Variants in TRHDE observed in about 807,000 individuals in gnomAD.
TRHDE encodes thyrotropin releasing hormone degrading enzyme.
Under a neutral mutation model 125.7 loss-of-function variants are expected in TRHDE, and 72 were observed. That is an observed-to-expected ratio of 0.57 (90% CI 0.47 to 0.70). TRHDE has a LOEUF of 0.70. Among genes scored for constraint, TRHDE ranks in the 30% least tolerant of loss-of-function variants. The probability of loss-of-function intolerance (pLI) is 0.00; values close to 1 mark genes in which losing one functional copy is unlikely to be tolerated. For synonymous variants in TRHDE, 509 were observed against 509.1 expected (o/e 1.00, Z 0.00); for missense variants, 1,110 against 1,327.1 (o/e 0.84, Z 2.54).
intron 3 of TRHDE, among the ~76,000 whole-genome samples, chr12:72,383,171 C>A (rs1340337982): frequency 6.6e-6 from 1 of 152,010 alleles, no homozygotes; most frequent in Non-Finnish European, 1.5e-5. Context: ...TACAATACAC[C>A]AATCCTTTCT....
intron 5 of TRHDE, among the ~76,000 whole-genome samples, chr12:72,484,832 A>G (rs982702884): frequency 6.6e-6 from 1 of 152,196 alleles, no homozygotes; most frequent in Non-Finnish European, 1.5e-5. Flanking sequence ...CCCCACAAGA[A>G]AAGTCCCCAG....
chr12:72,156,645 T>C (rs1030685962), intron 2 of TRHDE, among the ~76,000 whole-genome samples: 1 of 152,184 alleles, frequency 6.6e-6, no homozygotes, highest in African/African-American at 2.4e-5. Flanking sequence ...CCTCCTAGGC[T>C]GTGATTAGGA....
rs568961795 is a variant in TRHDE, at chr12:72,387,537, G to A, written c.1315+9416G>A. On this transcript the variant is annotated intron_variant, in intron 3 of 18. Transcript: ENST00000261180. ...GTTAATTTACAGAGTTTTTGTGAGGGATGTTGAATTTACCTGGTGATTCTG... is the reference window on the plus strand; with the variant it reads ...GTTAATTTACAGAGTTTTTGTGAGGAATGTTGAATTTACCTGGTGATTCTG... Among the ~76,000 whole-genome samples, 23 of 152,216 alleles carry A rather than the reference G, an allele frequency of 1.5e-4. No individual in the cohort carries two copies. The South Asian group carries it at 4.8e-3, about 32-fold the overall frequency.
chr12:72,500,341 A>G (rs1878094805), intron 6 of TRHDE, among the ~76,000 whole-genome samples: 1 of 152,114 alleles, frequency 6.6e-6, no homozygotes, highest in African/African-American at 2.4e-5. Context: ...ATAGGATCAA[A>G]GTCTGCTGTG....
intron 2 of TRHDE, among the ~76,000 whole-genome samples, chr12:72,183,210 T>G (rs1877130748): frequency 6.6e-6 from 1 of 152,234 alleles, no homozygotes; most frequent in Non-Finnish European, 1.5e-5. Flanking sequence ...TATTATGTGC[T>G]CAACACTGTG....
At chr12:72,641,973 C>T (rs1874083430) in intron 15 of TRHDE, among the ~76,000 whole-genome samples, 1 of 152,036 alleles carries the variant, frequency 6.6e-6, no homozygotes. Flanking sequence ...ATGCTGAAGC[C>T]CTCACAATGT....
chr12:72,263,290 T>C (rs12423531), intron 2 of TRHDE: 29,567 of 151,906 alleles, frequency 0.19, 3,077 homozygotes, highest in Middle Eastern at 0.34. Flanking sequence ...AAGACATACT[T>C]TAACTATCAA....
intron 6 of TRHDE, among the ~76,000 whole-genome samples, chr12:72,518,935 G>T (rs997629834): frequency 6.6e-6 from 1 of 152,060 alleles, no homozygotes; most frequent in South Asian, 2.1e-4. Context: ...GAAATTCTGG[G>T]TTGAAAATTC....
At position 72,653,012 on chromosome 12, in the gene TRHDE, G is replaced by GA. The variant is rs1464717526; in HGVS notation, c.2844-2dup. On this transcript the variant is annotated splice_region_variant and splice_polypyrimidine_tract_variant and intron_variant, in intron 16 of 18. Coordinates refer to ENST00000261180, the MANE Select transcript of TRHDE (RefSeq NM_013381.3). ...AAAATTTTTACAAAATTCTATCTTT[G>GA]AAGGCTTCTAAATCTGTCACTGAAT... 3 of 1,592,150 alleles carry GA rather than the reference G, an allele frequency of 1.9e-6. No homozygotes were observed. Among genetic ancestry groups the GA allele is most frequent in the Non-Finnish European group, 2.6e-6 (3 of 1,171,324 alleles).
intron 2 of TRHDE, among the ~76,000 whole-genome samples, chr12:72,346,734 A>G (rs12820144): frequency 0.12 from 18,779 of 152,046 alleles, 1,737 homozygotes; most frequent in East Asian, 0.46. Context: ...CATATTTCAA[A>G]TAGATCTTTC....
chr12:72,549,342 G>T (rs1004862190), intron 7 of TRHDE, among the ~76,000 whole-genome samples: 3 of 151,784 alleles, frequency 2.0e-5, no homozygotes, highest in Non-Finnish European at 4.4e-5. Context: ...TTACATGTAG[G>T]TTTTCAGATA....
chr12:72,417,806 TTA>T (rs1481182381), intron 3 of TRHDE, among the ~76,000 whole-genome samples: 2 of 151,972 alleles, frequency 1.3e-5, no homozygotes, highest in East Asian at 2.0e-4. Context: ...TTAATAGGTT[TTA>T]TTTTTTTAAG....
chr12:72,307,566 T>A (rs529864260), intron 2 of TRHDE, among the ~76,000 whole-genome samples: 10 of 152,228 alleles, frequency 6.6e-5, no homozygotes, highest in Admixed American at 1.3e-4. Flanking sequence ...GTGGTTACTG[T>A]AGTGTGTGGA....
At chr12:72,158,788 C>T (rs1876573781) in intron 2 of TRHDE, among the ~76,000 whole-genome samples, 2 of 152,142 alleles carry the variant, frequency 1.3e-5, no homozygotes, top group South Asian at 4.1e-4. Context: ...TGGCTTATAT[C>T]TTATAGCATT....
Position 72,273,592 on chromosome 12 carries a change from C to T in TRHDE, c.914+35C>T, listed in dbSNP as rs1426615921. 4.5e-6 allele frequency: 7 copies of T among 1,540,748 alleles called. No individual in the cohort carries two copies. The African/African-American group carries it at 5.4e-5, about 12-fold the overall frequency. ...GAGGCGGTGCCCCGCGCTGCCCCAC[C>T]CCGGCGCGCGGCTCGAACCTCTGGG... On this transcript the variant is annotated intron_variant, in intron 1 of 18. Coordinates refer to ENST00000261180, the MANE Select transcript of TRHDE (RefSeq NM_013381.3). This position sits in a 1 kb window ranked among gnomAD's most constrained non-coding sequence, Gnocchi z 5.3.
chr12:72,421,931 A>G (rs1338849549), intron 3 of TRHDE, among the ~76,000 whole-genome samples: 1 of 152,170 alleles, frequency 6.6e-6, no homozygotes, highest in Non-Finnish European at 1.5e-5. Flanking sequence ...AGAAATGTGT[A>G]AACCAGAATG....
chr12:72,367,196 C>T (rs1871374078), intron 2 of TRHDE, among the ~76,000 whole-genome samples: 2 of 152,112 alleles, frequency 1.3e-5, no homozygotes, highest in African/African-American at 4.8e-5. Context: ...GTAAAAACCA[C>T]AGCACAAATT....
At chr12:72,157,372 G>C (rs997638981) in intron 2 of TRHDE, among the ~76,000 whole-genome samples, 5 of 152,134 alleles carry the variant, frequency 3.3e-5, no homozygotes, top group African/African-American at 1.2e-4. Context: ...ATGTGTTTTA[G>C]GAAGATCATC....
At chr12:72,232,060 A>G (rs1878257029) in intron 2 of TRHDE, among the ~76,000 whole-genome samples, 1 of 152,172 alleles carries the variant, frequency 6.6e-6, no homozygotes, top group Admixed American at 6.5e-5. Context: ...TTATTCAGGT[A>G]TGGCGGGGCC....
Sources: gnomAD v4.1 joint callset for allele counts (sites outside exome capture counted in the v4.1 genomes callset) on GRCh38, gnomAD v4.1.1 for gene constraint, Gnocchi (gnomAD v3.1) non-coding constraint, MANE v1.5 for transcripts, NCBI Gene and HGNC (gene_info 2026-07-23, HGNC 2026-07-21) for gene names.